PPFIA3: variants seen among roughly 807,000 people sequenced by gnomAD.
The protein encoded by PPFIA3 is liprin-alpha-3.
A neutral mutation model predicts 145.8 loss-of-function variants in PPFIA3; 26 were observed. The observed-to-expected ratio is 0.18, with a 90% confidence interval of 0.13 to 0.25. The LOEUF (loss-of-function observed/expected upper bound fraction) is 0.25. Among genes scored for constraint, PPFIA3 ranks in the 10% least tolerant of loss-of-function variants. PPFIA3 has a pLI of 1.00. For synonymous variants in PPFIA3, 645 were observed against 661.4 expected, an observed-to-expected ratio of 0.98 and a Z score of 0.38; for missense variants, 1,008 against 1,587.8, an observed-to-expected ratio of 0.63 and a Z score of 6.21.
Position 49,133,152 on chromosome 19 carries a change from G to A in PPFIA3, c.1026+5G>A. ...AAGGAGTCGTTGTATCGGCAGGTGGGGGCGCGGCCGGGAGGGGCGATGGGG... is the reference window on the plus strand; with the variant it reads ...AAGGAGTCGTTGTATCGGCAGGTGGAGGCGCGGCCGGGAGGGGCGATGGGG... On this transcript the variant is annotated splice_donor_5th_base_variant and intron_variant, in intron 8 of 29. Transcript: ENST00000334186. The surrounding 1 kb of genome is among the most constrained non-coding windows in gnomAD (Gnocchi z 7.2). 6.3e-7 allele frequency: 1 copy of A among 1,591,766 alleles called. No homozygotes were observed. Among genetic ancestry groups the A allele is most frequent in the South Asian group, 1.1e-5 (1 of 88,224 alleles).
chr19:49,148,365 T>G, intron 24 of PPFIA3, 107 bp downstream of exon 24: 1 of 1,256,938 alleles, frequency 8.0e-7, no homozygotes, highest in Non-Finnish European at 1.1e-6. Flanking sequence ...ATCTTGGCCC[T>G]TTTAGCCTGA....
chr19:49,147,915 G>T (rs1427563169), intron 23 of PPFIA3, among the ~76,000 whole-genome samples, 168 bp from the exon 24 acceptor site: 1 of 152,174 alleles, frequency 6.6e-6, no homozygotes, highest in African/African-American at 2.4e-5. Flanking sequence ...GTCATGAAGG[G>T]CTAGGAGACA....
rs767408468 is a variant in PPFIA3 at position 49,138,265 on chromosome 19, G to A, written c.1914G>A (p.Val638=). ...EQRAEELESR[V]SSSGLDSLGR... ...GGGCAGAGGAGCTGGAGAGTCGGGT[G>A]TCCAGCTCTGGCTTGGACTCGTTGG... The change falls in exon 16 of 30, where the codon GTG becomes GTA. Residue 638 remains valine (V), a synonymous_variant. Transcript: ENST00000334186. 5.6e-6 allele frequency: 9 copies of A among 1,613,224 alleles called. No homozygotes were observed. In the South Asian group the frequency reaches 8.8e-5, roughly 16 times the overall value.
At chr19:49,143,131 C>T in intron 21 of PPFIA3, 127 bp downstream of exon 21, 1 of 1,077,080 alleles carries the variant, frequency 9.3e-7, no homozygotes, top group South Asian at 1.5e-5. Flanking sequence ...GCTTTTACCC[C>T]CCTCAGCCTC....
intron 1 of PPFIA3, among the ~76,000 whole-genome samples, chr19:49,122,156 C>T (rs1163312478): frequency 6.6e-6 from 1 of 150,964 alleles, no homozygotes; most frequent in African/African-American, 2.4e-5. Context: ...TCTTGGCTCA[C>T]CACAACCTCT....
At chr19:49,139,893 G>A (rs1199633563) in intron 17 of PPFIA3, 62 bp downstream of exon 17, 20 of 1,612,294 alleles carry the variant, frequency 1.2e-5, no homozygotes, top group Non-Finnish European at 1.7e-5. Flanking sequence ...GAAGGGGGTG[G>A]ACAAGGACTT....
intron 21 of PPFIA3, 39 bp from the exon 22 acceptor site, chr19:49,145,904 G>T: frequency 6.3e-7 from 1 of 1,591,096 alleles, no homozygotes. Context: ...CCCACGCGAA[G>T]CCCTCTCCCA....
intron 14 of PPFIA3, 135 bp downstream of exon 14, chr19:49,136,058 T>G: frequency 9.4e-7 from 1 of 1,066,288 alleles, no homozygotes; most frequent in South Asian, 2.3e-5. Context: ...CACTCACCCT[T>G]TCTTCTCTCC....
chr19:49,130,618 C>A lies in PPFIA3; in HGVS notation c.879+19C>A. The stretch of plus-strand genomic sequence containing the variant: ...CAAGGAGGTGAGGCCCCCAGGGAGG[C>A]GGGCTGCCCTGGGTCCCTCGCCTTT... On this transcript the variant is annotated intron_variant, in intron 7 of 29. Transcript: ENST00000334186. The surrounding 1 kb of genome is among the most constrained non-coding windows in gnomAD (Gnocchi z 4.5). 6.5e-7 allele frequency: 1 copy of A among 1,545,038 alleles called. No homozygotes were observed. The highest frequency in any genetic ancestry group is 8.7e-7 in the Non-Finnish European group (1 of 1,144,598).
At chr19:49,146,043 A>C in intron 22 of PPFIA3, 38 bp downstream of exon 22, 1 of 1,609,528 alleles carries the variant, frequency 6.2e-7, no homozygotes, top group Non-Finnish European at 8.5e-7. Flanking sequence ...GGGTGGCACT[A>C]ACCTTCTTTG....
chr19:49,129,458 T>A lies in PPFIA3; in HGVS notation c.582+4T>A. 1 of 1,552,814 alleles carries A rather than the reference T, an allele frequency of 6.4e-7. No individual in the cohort carries two copies. The highest frequency in any genetic ancestry group is 8.7e-7 in the Non-Finnish European group (1 of 1,148,382). ...GCTGGAACTGAGCAATCAGGAGGTG[T>A]GGGTGTGGCCAAGACAGGGAATTTG... is the stretch of plus-strand genomic sequence containing the variant. On this transcript the variant is annotated splice_donor_region_variant and intron_variant, in intron 5 of 29. Coordinates refer to ENST00000334186, the MANE Select transcript of PPFIA3 (RefSeq NM_003660.4).
chr19:49,131,512 C>T (rs2041072404), intron 7 of PPFIA3, among the ~76,000 whole-genome samples: 1 of 151,794 alleles, frequency 6.6e-6, no homozygotes, highest in Non-Finnish European at 1.5e-5. Flanking sequence ...GGTATTTCAC[C>T]CCTTTCTGGC....
rs778872915 is a variant in PPFIA3, at chr19:49,149,515, T to TC, written c.3355-29dup. On this transcript the variant is annotated intron_variant, in intron 27 of 29. Transcript: ENST00000334186. This position sits in a 1 kb window ranked among gnomAD's most constrained non-coding sequence, Gnocchi z 5.7. ...GGGGCGGAGTCAGACAAGGCAGGAG[T>TC]CCCTCACCGGCTGTCCGGCTCCTAT... 4 of 1,612,316 alleles carry TC rather than the reference T, an allele frequency of 2.5e-6. No individual in the cohort carries two copies. The South Asian group carries it at 4.4e-5, about 18-fold the overall frequency.
chr19:49,127,966 C>G lies in PPFIA3; in HGVS notation c.93C>G (p.Leu31=), dbSNP rs1214789880. Residue 31 remains leucine (L), a synonymous_variant, in exon 2 of 30, where the codon CTC becomes CTG. Transcript: ENST00000334186. The part of the protein sequence containing the change: ...PDEAGGELER[L]MVTMLTERER... Reference sequence around the variant, plus strand: ...AGGCGGGCGGGGAGCTGGAGCGCCTCATGGTCACGATGCTCACGGAGCGCG... The same window carrying G: ...AGGCGGGCGGGGAGCTGGAGCGCCTGATGGTCACGATGCTCACGGAGCGCG... 4 of 1,595,680 alleles carry G rather than the reference C, an allele frequency of 2.5e-6. No homozygotes were observed. Among genetic ancestry groups the G allele is most frequent in the Non-Finnish European group, 3.4e-6 (4 of 1,178,694 alleles).
At chr19:49,148,939 CTG>C in intron 25 of PPFIA3, 52 bp from the exon 26 acceptor site, 1 of 1,599,550 alleles carries the variant, frequency 6.3e-7, no homozygotes, top group Non-Finnish European at 8.5e-7. Flanking sequence ...ATGGGCTAAA[CTG>C]AACTCTCCAG....
At chr19:49,146,244 A>G in intron 23 of PPFIA3, 52 bp downstream of exon 23, 1 of 1,595,548 alleles carries the variant, frequency 6.3e-7, no homozygotes, top group East Asian at 2.2e-5. Context: ...TGCACGACGC[A>G]TGGATGCCCC....
At position 49,144,583 on chromosome 19, in the gene PPFIA3, G is replaced by A. The variant is rs554436739; in HGVS notation, c.2746-1360G>A. Among the ~76,000 whole-genome samples the A allele has an allele frequency of 4.6e-5, 7 of 152,100 alleles. 1 individual carries two copies. In the South Asian group the frequency reaches 6.2e-4, roughly 14 times the overall value. ...ACAAAAATTAGTCGGGTGTGGTGGCGTATACCTGTAGTCCTAGCTACTCAG... is the reference window on the plus strand; with the variant it reads ...ACAAAAATTAGTCGGGTGTGGTGGCATATACCTGTAGTCCTAGCTACTCAG... On this transcript the variant is annotated intron_variant, in intron 21 of 29. Transcript: ENST00000334186.
chr19:49,129,422 C>T lies in PPFIA3; in HGVS notation c.550C>T (p.Leu184Phe). The T allele has an allele frequency of 6.4e-7, 1 of 1,552,644 alleles. No individual in the cohort carries two copies. The highest frequency in any genetic ancestry group is 8.7e-7 in the Non-Finnish European group (1 of 1,148,320). ...LRMALERVAV[L>F]EEELELSNQE... ...GATGGCGCTGGAGCGCGTGGCAGTG[C>T]TCGAGGAGGAGCTGGAACTGAGCAA... The change falls in exon 5 of 30, where the codon CTC becomes TTC. Residue 184 changes from leucine (L) to phenylalanine (F), a missense_variant. Leu to Phe is a conservative substitution (Grantham distance 22). Coordinates refer to ENST00000334186, the MANE Select transcript of PPFIA3 (RefSeq NM_003660.4).
chr19:49,133,898 G>A lies in PPFIA3; in HGVS notation c.1245+19G>A, dbSNP rs1373635207. ...GCAGCGGGTGAGGGGGCGGAAGACT[G>A]CACAGAGGGTGGGGCTTCGAGGCTG... On this transcript the variant is annotated intron_variant, in intron 10 of 29. Coordinates refer to ENST00000334186, the MANE Select transcript of PPFIA3 (RefSeq NM_003660.4). The surrounding 1 kb of genome is among the most constrained non-coding windows in gnomAD (Gnocchi z 7.2). The A allele has an allele frequency of 1.2e-6, 2 of 1,612,610 alleles. No homozygotes were observed. The highest frequency in any genetic ancestry group is 2.2e-5 in the East Asian group (1 of 44,866).
Sources: allele counts gnomAD v4.1 joint callset (sites outside exome capture counted in the v4.1 genomes callset), GRCh38; gene constraint gnomAD v4.1.1; non-coding constraint Gnocchi (gnomAD v3.1); transcripts MANE v1.5; gene names NCBI Gene and HGNC (gene_info 2026-07-23, HGNC 2026-07-21).